THSD7A: variants seen among roughly 807,000 people sequenced by gnomAD.
THSD7A encodes the protein thrombospondin type 1 domain containing 7A, also known as thrombospondin type-1 domain-containing protein 7A.
A neutral mutation model predicts 231.3 loss-of-function variants in THSD7A; 96 were observed. The ratio of observed to expected loss-of-function variants is 0.41; its 90% CI spans 0.35 to 0.49. The LOEUF (loss-of-function observed/expected upper bound fraction) is 0.49, where lower values mean the gene tolerates loss of function less well. THSD7A is among the 20% of genes least tolerant of loss of function. The pLI is 0.05. For synonymous variants in THSD7A, 940 were observed against 743.3 expected, an observed-to-expected ratio of 1.26 and a Z score of -4.30; for missense variants, 2,290 against 2,070.2, an observed-to-expected ratio of 1.11 and a Z score of -2.06.
chr7:11,674,569 A>G (rs1783556962), intron 1 of THSD7A, among the ~76,000 whole-genome samples: 1 of 152,186 alleles, frequency 6.6e-6, no homozygotes, highest in Non-Finnish European at 1.5e-5. Flanking sequence ...CCCATCTGCA[A>G]CAAAGGAACC....
At chr7:11,678,912 C>A (rs1472327817) in intron 1 of THSD7A, among the ~76,000 whole-genome samples, 1 of 152,150 alleles carries the variant, frequency 6.6e-6, no homozygotes, top group African/African-American at 2.4e-5. Context: ...AAATTTCAGG[C>A]CAATATCCCT....
intron 1 of THSD7A, among the ~76,000 whole-genome samples, chr7:11,769,149 A>ATTT (rs1245740094): frequency 5.5e-5 from 2 of 36,308 alleles, no homozygotes; most frequent in Non-Finnish European, 1.2e-4. Context: ...ATATATATAT[A>ATTT]TATATTTTTT....
rs1168795766 is a variant in THSD7A, at chr7:11,444,955, GTATA to G, written c.3064+1102_3064+1105del. ...ATATATAGAATGAAACTATATATAT[GTATA>G]TATATATTAAATGAAACTTCTTTGT... On this transcript the variant is annotated intron_variant, in intron 13 of 27. Transcript: ENST00000423059. This position sits in a 1 kb window ranked among gnomAD's most constrained non-coding sequence, Gnocchi z 4.2. Among the ~76,000 whole-genome samples the G allele has an allele frequency of 6.8e-6, 1 of 147,650 alleles. No individual in the cohort carries two copies. Among genetic ancestry groups the G allele is most frequent in the African/African-American group, 2.5e-5 (1 of 40,484 alleles).
chr7:11,793,537 T>C lies in THSD7A; in HGVS notation c.190+38220A>G, dbSNP rs114933346. On this transcript the variant is annotated intron_variant, in intron 1 of 27. Transcript: ENST00000423059. Reference sequence around the variant, plus strand: ...GTTTTAGAAATACAATCTTAGAAAATAGGTTAAAATGAAAAAAGTCAAAGA... The same window carrying C: ...GTTTTAGAAATACAATCTTAGAAAACAGGTTAAAATGAAAAAAGTCAAAGA... Among the ~76,000 whole-genome samples the C allele has an allele frequency of 2.7e-3, 388 of 145,132 alleles. 2 individuals carry two copies. Among genetic ancestry groups the C allele is most frequent in the African/African-American group, 9.5e-3 (367 of 38,462 alleles).
chr7:11,789,885 T>C (rs1783897148), intron 1 of THSD7A, among the ~76,000 whole-genome samples: 2 of 152,020 alleles, frequency 1.3e-5, no homozygotes, highest in Non-Finnish European at 2.9e-5. Flanking sequence ...AAGCTCCTTG[T>C]AGGCAGGATT....
chr7:11,684,793 A>C (rs1047818224), intron 1 of THSD7A, among the ~76,000 whole-genome samples: 10 of 152,006 alleles, frequency 6.6e-5, no homozygotes, highest in South Asian at 4.1e-4. Flanking sequence ...AAATATCTAT[A>C]CTGTTCAAAG....
chr7:11,650,804 ATTTGT>A (rs57303048), intron 1 of THSD7A, among the ~76,000 whole-genome samples: 11,405 of 151,272 alleles, frequency 0.075, 498 homozygotes, highest in East Asian at 0.14. Flanking sequence ...TGGTAGATGT[ATTTGT>A]TTTGTTTTGT....
At chr7:11,399,720 A>G (rs1783326230) in intron 23 of THSD7A, among the ~76,000 whole-genome samples, 1 of 152,212 alleles carries the variant, frequency 6.6e-6, no homozygotes, top group Non-Finnish European at 1.5e-5. Context: ...GTGGGACTGT[A>G]AACTAGTTCA....
intron 23 of THSD7A, among the ~76,000 whole-genome samples, chr7:11,397,537 C>T (rs749330379): frequency 6.6e-6 from 1 of 152,102 alleles, no homozygotes; most frequent in African/African-American, 2.4e-5. Flanking sequence ...AAAGCAATGG[C>T]CACAAAAGCC....
chr7:11,712,776 A>G (rs566106257), intron 1 of THSD7A, among the ~76,000 whole-genome samples: 130 of 151,198 alleles, frequency 8.6e-4, no homozygotes, highest in African/African-American at 2.8e-3. Flanking sequence ...GGCCTATTAT[A>G]TGTTATTTTA....
chr7:11,477,274 T>C (rs1303796266), intron 7 of THSD7A, among the ~76,000 whole-genome samples: 2 of 152,234 alleles, frequency 1.3e-5, no homozygotes, highest in African/African-American at 4.8e-5. Context: ...TTAAAGATTA[T>C]TTTGTACAAT....
chr7:11,457,396 CTTTTAT>C (rs1785342761), intron 11 of THSD7A, among the ~76,000 whole-genome samples: 2 of 152,110 alleles, frequency 1.3e-5, no homozygotes, highest in East Asian at 1.9e-4. Context: ...AACTTTGACT[CTTTTAT>C]TTTTATCTCT....
intron 1 of THSD7A, among the ~76,000 whole-genome samples, chr7:11,724,352 C>T (rs773942887): frequency 3.3e-5 from 5 of 151,852 alleles, no homozygotes; most frequent in Non-Finnish European, 5.9e-5. Flanking sequence ...GCATATGTTG[C>T]ATCAATGTTA....
rs1459964687 is a variant in THSD7A, at chr7:11,637,509, G to T, written c.191-548C>A. Among the ~76,000 whole-genome samples the T allele has an allele frequency of 6.6e-6, 1 of 152,158 alleles. No homozygotes were observed. The highest frequency in any genetic ancestry group is 2.4e-5 in the African/African-American group (1 of 41,424). Reference sequence around the variant, plus strand: ...ATCATGTGTGCCACTAGAGCTTAAAGTGTTCACTCTCTGGTTATCAAAACT... The same window carrying T: ...ATCATGTGTGCCACTAGAGCTTAAATTGTTCACTCTCTGGTTATCAAAACT... On this transcript the variant is annotated intron_variant, in intron 1 of 27. Transcript: ENST00000423059. This position sits in a 1 kb window ranked among gnomAD's most constrained non-coding sequence, Gnocchi z 4.2.
At position 11,375,592 on chromosome 7, in the gene THSD7A, C is replaced by G; in HGVS notation, c.*202G>C. On this transcript the variant is annotated 3_prime_UTR_variant, in exon 28 of 28. Transcript: ENST00000423059. ...GTATTCAGCTAAATCTCCTATAATT[C>G]TCACGGTTGATGGTCTGTATATAAG... 2.5e-6 allele frequency: 1 copy of G among 397,050 alleles called. No individual in the cohort carries two copies. Among genetic ancestry groups the G allele is most frequent in the Non-Finnish European group, 4.5e-6 (1 of 222,938 alleles). 24.6% of individuals were successfully genotyped at this position (397,050 alleles called of 1,614,324 possible).
intron 2 of THSD7A, among the ~76,000 whole-genome samples, chr7:11,606,442 C>T (rs181719009): frequency 1.3e-5 from 2 of 152,214 alleles, no homozygotes; most frequent in Admixed American, 1.3e-4. Flanking sequence ...CAGTTCAATT[C>T]CTAGCCCCTT....
chr7:11,550,114 G>C (rs1313010027), intron 4 of THSD7A, among the ~76,000 whole-genome samples: 1 of 152,004 alleles, frequency 6.6e-6, no homozygotes, highest in African/African-American at 2.4e-5. Flanking sequence ...AAGGCTCCCA[G>C]ACCTGATAAG....
At chr7:11,732,441 T>C (rs1215110483) in intron 1 of THSD7A, among the ~76,000 whole-genome samples, 1 of 151,850 alleles carries the variant, frequency 6.6e-6, no homozygotes, top group Non-Finnish European at 1.5e-5. Context: ...ATAATTCTTA[T>C]TCATAGGCTT....
intron 6 of THSD7A, among the ~76,000 whole-genome samples, chr7:11,483,786 A>G (rs774372797): frequency 6.6e-6 from 1 of 152,122 alleles, no homozygotes; most frequent in Non-Finnish European, 1.5e-5. Context: ...GTTTGGGGCT[A>G]AAGTCTATAG....
Sources: gnomAD v4.1 joint callset for allele counts (sites outside exome capture counted in the v4.1 genomes callset) on GRCh38, gnomAD v4.1.1 for gene constraint, Gnocchi (gnomAD v3.1) non-coding constraint, MANE v1.5 for transcripts, NCBI Gene and HGNC (gene_info 2026-07-23, HGNC 2026-07-21) for gene names.